GSE1: variants seen among roughly 807,000 people sequenced by gnomAD.
GSE1 encodes Gse1 coiled-coil protein, also known as genetic suppressor element 1.
GSE1 carries 32 observed loss-of-function variants against 112.6 expected under a neutral mutation model. The observed-to-expected ratio is 0.28, with a 90% confidence interval of 0.21 to 0.38. The LOEUF is 0.38. Among genes scored for constraint, GSE1 ranks in the 10% least tolerant of loss-of-function variants. GSE1 has a pLI of 1.00. For missense variants in GSE1, 2,348 were observed against 1,699.2 expected, an observed-to-expected ratio of 1.38 and a Z score of -6.71; for synonymous variants, 1,115 against 735.6, an observed-to-expected ratio of 1.52 and a Z score of -8.35.
At chr16:85,504,729 G>C (rs974436467) in intron 2 of GSE1, among the ~76,000 whole-genome samples, 8 of 152,326 alleles carry the variant, frequency 5.3e-5, no homozygotes, top group Non-Finnish European at 7.3e-5. Context: ...TGGGGCTGCA[G>C]GTTACAGAAA....
At chr16:85,326,968 G>A (rs1384900802) in intron 1 of GSE1, among the ~76,000 whole-genome samples, 2 of 152,220 alleles carry the variant, frequency 1.3e-5, no homozygotes, top group Non-Finnish European at 1.5e-5. Context: ...TTTGCATAAG[G>A]CTCGGCAGGG....
Position 85,663,593 on chromosome 16 carries a change from A to G in GSE1, c.2623A>G (p.Ile875Val). The change falls in exon 11 of 16, where the codon ATC becomes GTC. Residue 875 changes from isoleucine to valine, a missense_variant. Physicochemically the swap from Ile to Val is conservative, Grantham distance 29 (BLOSUM62 3). Transcript: ENST00000253458. ...KFLTIFNLTH[I>V]SAEKRKDKER... Reference sequence around the variant, plus strand: ...CCTGACCATCTTCAACCTGACCCACATCAGCGCTGAGAAGAGGAAAGGTAG... The same window carrying G: ...CCTGACCATCTTCAACCTGACCCACGTCAGCGCTGAGAAGAGGAAAGGTAG... The G allele has an allele frequency of 6.2e-7, 1 of 1,613,658 alleles. No homozygotes were observed. Among genetic ancestry groups the G allele is most frequent in the Non-Finnish European group, 8.5e-7 (1 of 1,179,896 alleles).
chr16:85,207,835 T>A (rs2143624142), intron 1 of GSE1: 1 of 152,268 alleles, frequency 6.6e-6, no homozygotes, highest in South Asian at 2.1e-4. Context: ...GTGCTGGGGA[T>A]GTGACGAACA....
chr16:85,283,484 A>AG (rs1316729078), intron 1 of GSE1: 1 of 152,610 alleles, frequency 6.6e-6, no homozygotes, highest in Non-Finnish European at 1.5e-5. Flanking sequence ...GCAGGCCCTG[A>AG]GGCATGGCCT....
rs555863059 is a variant in GSE1 at position 85,343,150 on chromosome 16, C to T, written c.2284-14313C>T. ...TTCAACAAAGCGTGGCGCGTCCACA[C>T]TACGGCACGCTCCTCAGCAATGAAA... On this transcript the variant is annotated intron_variant, in intron 1 of 2. Transcript: ENST00000637419. Among the ~76,000 whole-genome samples, 645 of 152,188 alleles carry T rather than the reference C, an allele frequency of 4.2e-3. 2 individuals carry two copies. The highest frequency in any genetic ancestry group is 0.015 in the African/African-American group (620 of 41,554).
At chr16:85,274,885 G>A (rs1909201897) in intron 1 of GSE1, among the ~76,000 whole-genome samples, 2 of 152,242 alleles carry the variant, frequency 1.3e-5, no homozygotes, top group South Asian at 2.1e-4. Flanking sequence ...AGATGCATGT[G>A]GGGCCTGGCC....
chr16:85,560,150 T>TTTTC (rs1179259849), intron 1 of GSE1, among the ~76,000 whole-genome samples: 1 of 145,126 alleles, frequency 6.9e-6, no homozygotes, highest in Non-Finnish European at 1.5e-5. Flanking sequence ...TTTTTTTTTT[T>TTTTC]ATGTGAGACG....
chr16:85,456,028 A>T (rs186027119), intron 2 of GSE1, among the ~76,000 whole-genome samples: 1 of 152,194 alleles, frequency 6.6e-6, no homozygotes, highest in African/African-American at 2.4e-5. Context: ...CAGGATACCC[A>T]GTTGTAAGTA....
At chr16:85,221,774 C>T (rs2075397676) in intron 1 of GSE1, among the ~76,000 whole-genome samples, 1 of 152,206 alleles carries the variant, frequency 6.6e-6, no homozygotes, top group Non-Finnish European at 1.5e-5. Flanking sequence ...GGCCCCCAGA[C>T]ACCCTGGCAT....
chr16:85,345,508 C>G (rs1275845273), intron 1 of GSE1, among the ~76,000 whole-genome samples: 1 of 152,238 alleles, frequency 6.6e-6, no homozygotes, highest in Non-Finnish European at 1.5e-5. Flanking sequence ...CCAGCTATCT[C>G]TGTGGCTAGT....
chr16:85,274,738 G>T (rs1909186057), intron 1 of GSE1, among the ~76,000 whole-genome samples: 1 of 152,234 alleles, frequency 6.6e-6, no homozygotes, highest in Non-Finnish European at 1.5e-5. Context: ...GGTCCAGGCT[G>T]ACCACTGAGG....
In GSE1 at chr16:85,672,428, G is replaced by T. The variant is rs765278878; in HGVS notation, c.3543G>T (p.Lys1181Asn). ...AGGAGTTGAGGAGCCAGAAACAGAA[G>T]ATGGTCTCAGAAAGGGAGCGGCTCC... Reference protein sequence around the residue: ...SVAELRSQKQKMVSERERLQA... With the variant: ...SVAELRSQKQNMVSERERLQA... Residue 1181 changes from lysine to asparagine, a missense_variant, in exon 16 of 16, where the codon AAG becomes AAT. Lys to Asn is a moderately conservative substitution (Grantham distance 94, BLOSUM62 0). Transcript: ENST00000253458. The T allele has an allele frequency of 4.3e-6, 7 of 1,612,268 alleles. No homozygotes were observed. In the East Asian group the frequency reaches 1.6e-4, roughly 36 times the overall value.
intron 1 of GSE1, among the ~76,000 whole-genome samples, chr16:85,335,204 C>G (rs1050430017): frequency 6.6e-6 from 1 of 152,252 alleles, no homozygotes; most frequent in African/African-American, 2.4e-5. Context: ...TTTTCTCTCC[C>G]TACACCCATC....
chr16:85,288,403 C>A (rs2045106032), intron 1 of GSE1, among the ~76,000 whole-genome samples: 1 of 152,152 alleles, frequency 6.6e-6, no homozygotes, highest in Non-Finnish European at 1.5e-5. Flanking sequence ...GCAAAGAGAC[C>A]CAGGGCATAG....
chr16:85,278,464 C>T (rs1012863209), intron 1 of GSE1, among the ~76,000 whole-genome samples: 1 of 152,200 alleles, frequency 6.6e-6, no homozygotes, highest in Admixed American at 6.5e-5. Context: ...TTAAAAAAAT[C>T]ATTTGAGCCT....
chr16:85,345,397 A>C (rs1014179166), intron 1 of GSE1, among the ~76,000 whole-genome samples: 2 of 152,170 alleles, frequency 1.3e-5, no homozygotes, highest in African/African-American at 4.8e-5. Flanking sequence ...CAGCCCACAA[A>C]GCCAAAAAAT....
chr16:85,525,592 A>G (rs986436355), intron 2 of GSE1, among the ~76,000 whole-genome samples: 3 of 152,180 alleles, frequency 2.0e-5, no homozygotes, highest in African/African-American at 7.2e-5. Flanking sequence ...CACTGCCCAC[A>G]TGCCTGAGGA....
At chr16:85,532,062 A>G (rs142897800) in intron 2 of GSE1, among the ~76,000 whole-genome samples, 1 of 152,344 alleles carries the variant, frequency 6.6e-6, no homozygotes, top group African/African-American at 2.4e-5. Flanking sequence ...CGCGTTGTAT[A>G]CAGTGTTAGC....
chr16:85,574,499 G>A (rs1039110575), intron 1 of GSE1, among the ~76,000 whole-genome samples: 3 of 152,200 alleles, frequency 2.0e-5, no homozygotes, highest in African/African-American at 7.2e-5. Flanking sequence ...CTGCGAAGTT[G>A]TCCCTTCCGC....
Sources: gnomAD v4.1 joint callset for allele counts (sites outside exome capture counted in the v4.1 genomes callset) on GRCh38, gnomAD v4.1.1 for gene constraint, MANE v1.5 for transcripts, NCBI Gene and HGNC (gene_info 2026-07-23, HGNC 2026-07-21) for gene names.